The following TXNDC11 variants were observed in gnomAD, a reference collection of about 807,000 sequenced individuals.
The protein encoded by TXNDC11 is thioredoxin domain-containing protein 11.
In TXNDC11, 68 loss-of-function variants were observed where a neutral mutation model predicts 78.0. The observed-to-expected ratio is 0.87, with a 90% CI of 0.72 to 1.07. TXNDC11 has a LOEUF of 1.07. Among genes scored for constraint, TXNDC11 ranks in the 50% least tolerant of loss-of-function variants. The pLI is 0.00. For synonymous variants in TXNDC11, 571 were observed against 495.2 expected, an observed-to-expected ratio of 1.15 and a Z score of -2.03; for missense variants, 1,389 against 1,221.8, an observed-to-expected ratio of 1.14 and a Z score of -2.04.
intron 8 of TXNDC11, among the ~76,000 whole-genome samples, chr16:11,688,828 G>A (rs962547397): frequency 6.6e-6 from 1 of 152,114 alleles, no homozygotes; most frequent in African/African-American, 2.4e-5. Flanking sequence ...CCACAAATGT[G>A]ACAACTGCAC....
intron 7 of TXNDC11, among the ~76,000 whole-genome samples, chr16:11,696,899 A>AGGGT: frequency 6.6e-6 from 1 of 152,158 alleles, no homozygotes; most frequent in East Asian, 1.9e-4. Context: ...ACACACCCAA[A>AGGGT]CCAGACAGGA....
At position 11,698,269 on chromosome 16, in the gene TXNDC11, T is replaced by C. The variant is rs140027850; in HGVS notation, c.963A>G (p.Leu321=). 150 of 1,614,154 alleles carry C rather than the reference T, an allele frequency of 9.3e-5. 1 individual carries two copies. In the East Asian group the frequency reaches 3.0e-3, roughly 32 times the overall value. ...YTAENICKWA[L]ENQETLFRWL... ...ACCGAAAGAGCGTCTCCTGGTTTTC[T>C]AAGGCCCACTTACAGATGTTCTCAG... The change falls in exon 7 of 12, where the codon TTA becomes TTG. Residue 321 remains leucine (L), a synonymous_variant. Coordinates refer to ENST00000283033, the MANE Select transcript of TXNDC11 (RefSeq NM_015914.7).
chr16:11,706,842 A>G (rs1389183652), intron 5 of TXNDC11, among the ~76,000 whole-genome samples: 2 of 152,152 alleles, frequency 1.3e-5, no homozygotes, highest in Non-Finnish European at 2.9e-5. Context: ...GTTTTAATAT[A>G]TGACTACAGC....
intron 3 of TXNDC11, among the ~76,000 whole-genome samples, chr16:11,731,525 G>A (rs2052046308): frequency 6.6e-6 from 1 of 152,134 alleles, no homozygotes; most frequent in African/African-American, 2.4e-5. Flanking sequence ...TGGATGGTAG[G>A]TGGCAAGGGT....
intron 5 of TXNDC11, among the ~76,000 whole-genome samples, chr16:11,709,504 G>A (rs1433384796): frequency 7.6e-6 from 1 of 132,250 alleles, no homozygotes; most frequent in Non-Finnish European, 1.5e-5. Context: ...GCGCGATCTC[G>A]GCTCACTGCA....
At chr16:11,733,514 G>A (rs1340878618) in intron 3 of TXNDC11, among the ~76,000 whole-genome samples, 1 of 151,450 alleles carries the variant, frequency 6.6e-6, no homozygotes, top group Middle Eastern at 3.2e-3. Flanking sequence ...GCAACAGAGT[G>A]AGACTCCGTC....
intron 5 of TXNDC11, among the ~76,000 whole-genome samples, chr16:11,718,597 C>T (rs1054242495): frequency 2.6e-5 from 4 of 151,920 alleles, no homozygotes; most frequent in African/African-American, 9.7e-5. Flanking sequence ...GGAGAAAAAC[C>T]CCAGATGCCC....
At chr16:11,694,454 T>G (rs1196277853) in intron 7 of TXNDC11, among the ~76,000 whole-genome samples, 1 of 151,778 alleles carries the variant, frequency 6.6e-6, no homozygotes, top group Non-Finnish European at 1.5e-5. Context: ...CGACCAGCAA[T>G]GCTTTTTTTT....
chr16:11,719,186 A>G (rs1458858101), intron 5 of TXNDC11, among the ~76,000 whole-genome samples: 1 of 152,146 alleles, frequency 6.6e-6, no homozygotes, highest in Non-Finnish European at 1.5e-5. Context: ...CAGCTCACAA[A>G]CTTGAATGCT....
chr16:11,697,912 T>C (rs1312345641), intron 7 of TXNDC11, among the ~76,000 whole-genome samples: 4 of 152,194 alleles, frequency 2.6e-5, no homozygotes, highest in East Asian at 3.8e-4. Context: ...CAGCTGTCAA[T>C]AAATATGGCC....
chr16:11,693,475 C>G (rs1483112942), intron 7 of TXNDC11, among the ~76,000 whole-genome samples: 3 of 151,824 alleles, frequency 2.0e-5, no homozygotes, highest in Non-Finnish European at 4.4e-5. Context: ...GTGTGTGTGT[C>G]TGTGTGTCTG....
intron 5 of TXNDC11, among the ~76,000 whole-genome samples, chr16:11,704,048 T>G (rs923097909): frequency 1.3e-5 from 2 of 152,126 alleles, no homozygotes; most frequent in African/African-American, 4.8e-5. Flanking sequence ...GCCGAGATTT[T>G]GCCATTGCAC....
intron 5 of TXNDC11, among the ~76,000 whole-genome samples, chr16:11,713,712 G>C (rs566045293): frequency 6.6e-6 from 1 of 152,034 alleles, no homozygotes; most frequent in Non-Finnish European, 1.5e-5. Context: ...CACAGCGCCC[G>C]GCCCAAAGTA....
At chr16:11,715,266 A>T (rs2051495212) in intron 5 of TXNDC11, among the ~76,000 whole-genome samples, 1 of 152,212 alleles carries the variant, frequency 6.6e-6, no homozygotes, top group Non-Finnish European at 1.5e-5. Flanking sequence ...GTGTATTTCC[A>T]AGATGGTATT....
At chr16:11,730,990 A>G (rs1421988654) in intron 3 of TXNDC11, among the ~76,000 whole-genome samples, 5 of 152,148 alleles carry the variant, frequency 3.3e-5, no homozygotes, top group African/African-American at 1.2e-4. Context: ...AGCAGCCCCT[A>G]CCCTTCTATG....
rs374695454 is a variant in TXNDC11 at position 11,695,902 on chromosome 16, G to C, written c.1107+2223C>G. On this transcript the variant is annotated intron_variant, in intron 7 of 11. Coordinates refer to ENST00000283033, the MANE Select transcript of TXNDC11 (RefSeq NM_015914.7). ...ATACAAAAATTAGCCAGGCGTAGAG[G>C]CGTGCACCTGTAGTCCCAGCTACTT... is the stretch of plus-strand genomic sequence containing the variant. Among the ~76,000 whole-genome samples, 288 of 152,130 alleles carry C rather than the reference G, an allele frequency of 1.9e-3. 1 individual carries two copies. The highest frequency in any genetic ancestry group is 6.5e-3 in the African/African-American group (271 of 41,478).
chr16:11,700,506 T>C lies in TXNDC11; in HGVS notation c.852A>G (p.Val284=), dbSNP rs552799989. ...ACACACTTCCAGAGTGTACTAAGGATACCAGTTTCGCAAGATGTTTATTTG... is the reference window on the plus strand; with the variant it reads ...ACACACTTCCAGAGTGTACTAAGGACACCAGTTTCGCAAGATGTTTATTTG... ...VITNKHLAKL[V]SLVHSGSVYL... The change falls in exon 6 of 12, where the codon GTA becomes GTG. Residue 284 remains valine (V), a synonymous_variant. Coordinates refer to ENST00000283033, the MANE Select transcript of TXNDC11 (RefSeq NM_015914.7). 40 of 1,606,228 alleles carry C rather than the reference T, an allele frequency of 2.5e-5. No homozygotes were observed. In the Admixed American group the frequency reaches 6.2e-4, roughly 25 times the overall value.
At chr16:11,697,782 C>T (rs902985776) in intron 7 of TXNDC11, among the ~76,000 whole-genome samples, 5 of 152,198 alleles carry the variant, frequency 3.3e-5, no homozygotes, top group Non-Finnish European at 5.9e-5. Context: ...CCTGCCACTC[C>T]CTGTTTCACC....
chr16:11,682,951 G>A (rs186650956), intron 11 of TXNDC11, among the ~76,000 whole-genome samples: 21 of 152,260 alleles, frequency 1.4e-4, no homozygotes, highest in Admixed American at 9.2e-4. Context: ...AAGCTGAATC[G>A]CAAAAGGGAG....
Sources: allele counts gnomAD v4.1 joint callset (sites outside exome capture counted in the v4.1 genomes callset), GRCh38; gene constraint gnomAD v4.1.1; transcripts MANE v1.5; gene names NCBI Gene and HGNC (gene_info 2026-07-23, HGNC 2026-07-21).